Variants in MAP2 observed in about 807,000 individuals in gnomAD.
The protein encoded by MAP2 is microtubule associated protein 2, also known as microtubule-associated protein 2.
A neutral mutation model predicts 137.6 loss-of-function variants in MAP2; 14 were observed. That is an observed-to-expected ratio of 0.10 (90% CI 0.07 to 0.16). The LOEUF (loss-of-function observed/expected upper bound fraction) is 0.16. Ranked by LOEUF, MAP2 falls within the 10% of genes least tolerant of loss-of-function variation. MAP2 has a pLI of 1.00. For missense variants in MAP2, 2,088 were observed against 2,191.5 expected, an observed-to-expected ratio of 0.95 and a Z score of 0.94; for synonymous variants, 786 against 782.3, an observed-to-expected ratio of 1.00 and a Z score of -0.08.
chr2:209,546,284 T>C (rs2068051140), intron 2 of MAP2, among the ~76,000 whole-genome samples: 1 of 152,224 alleles, frequency 6.6e-6, no homozygotes, highest in African/African-American at 2.4e-5. Context: ...ACATGTAGAT[T>C]CCCACTGTGT....
At chr2:209,493,631 C>G (rs2059397449) in intron 1 of MAP2, among the ~76,000 whole-genome samples, 1 of 152,158 alleles carries the variant, frequency 6.6e-6, no homozygotes, top group African/African-American at 2.4e-5. Context: ...AGGATATGAA[C>G]AGACACTTCT....
intron 1 of MAP2, among the ~76,000 whole-genome samples, chr2:209,476,506 G>C (rs1287148529): frequency 6.6e-6 from 1 of 151,786 alleles, no homozygotes; most frequent in East Asian, 1.9e-4. Flanking sequence ...TAGTATCCTG[G>C]TCAGAGCCCT....
chr2:209,543,880 A>G (rs16843064), intron 2 of MAP2, among the ~76,000 whole-genome samples: 4,146 of 152,284 alleles, frequency 0.027, 193 homozygotes, highest in African/African-American at 0.095. Flanking sequence ...TCATAAATCC[A>G]TGATGTCTGT....
chr2:209,525,388 A>G (rs1021344941), intron 2 of MAP2, among the ~76,000 whole-genome samples: 2 of 152,172 alleles, frequency 1.3e-5, no homozygotes, highest in African/African-American at 2.4e-5. Flanking sequence ...AAATAACCCA[A>G]TAATAAAAGT....
intron 4 of MAP2, among the ~76,000 whole-genome samples, chr2:209,639,118 CCTCAGCCT>C (rs1212406398): frequency 6.6e-6 from 1 of 152,084 alleles, no homozygotes; most frequent in Non-Finnish European, 1.5e-5. Context: ...AATCCTCCCA[CCTCAGCCT>C]CTCAAAGTGC....
chr2:209,671,100 T>C (rs1354759222), intron 5 of MAP2, among the ~76,000 whole-genome samples: 1 of 151,898 alleles, frequency 6.6e-6, no homozygotes, highest in Non-Finnish European at 1.5e-5. Flanking sequence ...AATTGATCCT[T>C]GTTTTAATCG....
At chr2:209,440,975 G>C (rs528966523) in intron 1 of MAP2, among the ~76,000 whole-genome samples, 1 of 151,494 alleles carries the variant, frequency 6.6e-6, no homozygotes, top group South Asian at 2.1e-4. Context: ...AAAGTCTTTG[G>C]GGGAGGAAAC....
intron 7 of MAP2, among the ~76,000 whole-genome samples, chr2:209,682,389 G>A (rs1336012164): frequency 6.6e-6 from 1 of 152,136 alleles, no homozygotes; most frequent in Admixed American, 6.6e-5. Flanking sequence ...TACTCGGGAG[G>A]CTGAGGCAGG....
At chr2:209,473,197 A>G (rs1219875260) in intron 1 of MAP2, among the ~76,000 whole-genome samples, 1 of 152,090 alleles carries the variant, frequency 6.6e-6, no homozygotes, top group African/African-American at 2.4e-5. Context: ...CCTGGAACCA[A>G]GTTTGTTCAT....
At chr2:209,594,134 G>GAA (rs555177048) in intron 3 of MAP2, among the ~76,000 whole-genome samples, 1 of 81,466 alleles carries the variant, frequency 1.2e-5, no homozygotes, top group Non-Finnish European at 2.5e-5. Context: ...GGTAACAGAT[G>GAA]AAAAAAAAAA....
At chr2:209,680,053 C>G (rs1304538895) in intron 6 of MAP2, among the ~76,000 whole-genome samples, 3 of 152,088 alleles carry the variant, frequency 2.0e-5, no homozygotes, top group Non-Finnish European at 4.4e-5. Context: ...AAAAATAAAA[C>G]TTAACATTAA....
At chr2:209,505,542 A>G (rs1232275158) in intron 1 of MAP2, among the ~76,000 whole-genome samples, 1 of 152,216 alleles carries the variant, frequency 6.6e-6, no homozygotes, top group African/African-American at 2.4e-5. Flanking sequence ...TCAAAACCCA[A>G]CTTTGCAAAG....
At chr2:209,706,199 C>T (rs2063345951) in intron 12 of MAP2, among the ~76,000 whole-genome samples, 1 of 152,050 alleles carries the variant, frequency 6.6e-6, no homozygotes, top group Non-Finnish European at 1.5e-5. Context: ...ATAAATATAG[C>T]ATAGTCTATG....
At position 209,693,237 on chromosome 2, in the gene MAP2, C is replaced by A; in HGVS notation, c.1067C>A (p.Thr356Asn). The A allele has an allele frequency of 6.2e-7, 1 of 1,614,046 alleles. No individual in the cohort carries two copies. Among genetic ancestry groups the A allele is most frequent in the Non-Finnish European group, 8.5e-7 (1 of 1,179,990 alleles). ...QPDDKKSLQQ[T>N]SGPATAKDSF... is the part of the protein sequence containing the mutation. ...GATGACAAAAAATCTCTGCAACAAA[C>A]CAGTGGCCCAGCTACTGCCAAAGAT... The change falls in exon 8 of 16, where the codon ACC (threonine) becomes AAC (asparagine). Residue 356 changes from threonine to asparagine, a missense_variant. By Grantham distance (65) the Thr-to-Asn change is moderately conservative. Around this residue, in one of 6 missense-constraint regions of MAP2, gnomAD observed 859 missense variants for 794.5 expected, o/e 1.08. Transcript: ENST00000682079.
At chr2:209,464,249 A>G (rs1269089301) in intron 1 of MAP2, among the ~76,000 whole-genome samples, 1 of 152,112 alleles carries the variant, frequency 6.6e-6, no homozygotes, top group African/African-American at 2.4e-5. Context: ...CATAGCTTCA[A>G]TGTTAGTCTT....
intron 4 of MAP2, among the ~76,000 whole-genome samples, chr2:209,646,149 T>C (rs2094409071): frequency 6.6e-6 from 1 of 152,086 alleles, no homozygotes; most frequent in Non-Finnish European, 1.5e-5. Context: ...GTGAGTGTGA[T>C]TGCATCATTG....
At chr2:209,681,902 C>T (rs369269670) in intron 7 of MAP2, among the ~76,000 whole-genome samples, 14 of 151,802 alleles carry the variant, frequency 9.2e-5, no homozygotes, top group Non-Finnish European at 1.3e-4. Flanking sequence ...ATTTATAAAC[C>T]TAAATTTATT....
intron 4 of MAP2, among the ~76,000 whole-genome samples, chr2:209,629,773 G>A (rs2092784820): frequency 1.3e-5 from 2 of 152,120 alleles, no homozygotes; most frequent in Admixed American, 6.6e-5. Context: ...GATCTCTCAT[G>A]GTTAACTAGA....
intron 3 of MAP2, among the ~76,000 whole-genome samples, chr2:209,610,806 T>G (rs1380765315): frequency 6.6e-6 from 1 of 152,164 alleles, no homozygotes; most frequent in Admixed American, 6.6e-5. Flanking sequence ...GAAACCATTC[T>G]CTAAATTCCA....
Sources: allele counts gnomAD v4.1 joint callset (sites outside exome capture counted in the v4.1 genomes callset), GRCh38; gene constraint gnomAD v4.1.1; regional missense constraint gnomAD v4.1.1; transcripts MANE v1.5; gene names NCBI Gene and HGNC (gene_info 2026-07-23, HGNC 2026-07-21).